FMNL2: variants seen among roughly 807,000 people sequenced by gnomAD.
FMNL2 encodes formin like 2.
FMNL2 carries 51 observed loss-of-function variants against 130.2 expected under a neutral mutation model. The ratio of observed to expected loss-of-function variants is 0.39; its 90% CI spans 0.31 to 0.49. The LOEUF is 0.49. Ranked by LOEUF, FMNL2 falls within the 20% of genes least tolerant of loss-of-function variation. The pLI is 0.85. For missense variants in FMNL2, 977 were observed against 1,316.2 expected (o/e 0.74, Z 3.99); for synonymous variants, 465 against 467.1 (o/e 1.00, Z 0.06).
chr2:152,575,279 C>T (rs538415036), intron 7 of FMNL2, 35 bp downstream of exon 7: 1 of 1,384,752 alleles, frequency 7.2e-7, no homozygotes, highest in African/African-American at 1.4e-5. Context: ...TAAAAAAAAC[C>T]TGAATTAATC....
intron 17 of FMNL2, 86 bp from the exon 18 acceptor site, chr2:152,628,213 T>C (rs1463621102): frequency 1.8e-5 from 20 of 1,136,456 alleles, no homozygotes; most frequent in Non-Finnish European, 2.5e-5. Context: ...GGATGATGGA[T>C]GGATGAACCT....
chr2:152,556,490 G>A (rs927139304), intron 4 of FMNL2, among the ~76,000 whole-genome samples: 19 of 152,298 alleles, frequency 1.2e-4, no homozygotes, highest in African/African-American at 4.6e-4. Flanking sequence ...TGGGGGCATG[G>A]ATAAGGACTC....
chr2:152,478,418 A>G (rs1231722290), intron 1 of FMNL2, among the ~76,000 whole-genome samples: 1 of 151,706 alleles, frequency 6.6e-6, no homozygotes, highest in Non-Finnish European at 1.5e-5. Context: ...TTGTATTTTT[A>G]GTAGAGACGG....
intron 1 of FMNL2, among the ~76,000 whole-genome samples, chr2:152,425,788 TAATGCC>T (rs1192346328): frequency 6.6e-6 from 1 of 152,214 alleles, no homozygotes; most frequent in East Asian, 1.9e-4. Context: ...AGTCAAGGTG[TAATGCC>T]TTTGTGGTTT....
intron 9 of FMNL2, among the ~76,000 whole-genome samples, chr2:152,601,631 A>G (rs1269718336): frequency 6.8e-6 from 1 of 146,282 alleles, no homozygotes; most frequent in Admixed American, 6.8e-5. Flanking sequence ...CTTGCAAACC[A>G]GTAGTATTAT....
chr2:152,607,549 A>G, intron 10 of FMNL2, 136 bp downstream of exon 10: 3 of 656,540 alleles, frequency 4.6e-6, no homozygotes, highest in South Asian at 2.0e-5. Flanking sequence ...TTAATATGCT[A>G]TAGATCCAAT....
chr2:152,338,164 GT>G (rs2105713941), intron 1 of FMNL2, among the ~76,000 whole-genome samples: 1 of 152,226 alleles, frequency 6.6e-6, no homozygotes, highest in South Asian at 2.1e-4. Context: ...TTTTAAGTAT[GT>G]ATGTGGAGGG....
chr2:152,386,508 C>A (rs1684790198), intron 1 of FMNL2, among the ~76,000 whole-genome samples: 1 of 16,278 alleles, frequency 6.1e-5, no homozygotes, highest in Non-Finnish European at 2.4e-4. Context: ...TTTGACCATT[C>A]ATTAACTCAT....
rs186458458 is a variant in FMNL2, at chr2:152,399,877, G to A, written c.117+64157G>A. 2.2e-4 allele frequency among the ~76,000 whole-genome samples: 33 copies of A among 152,286 alleles called. No homozygotes were observed. The East Asian group carries it at 6.4e-3, about 29-fold the overall frequency. ...TGGAGTGCTAGCTACTGGATGAAGA[G>A]TGCTGAGCAAAACTGTGTGAGTAGA... On this transcript the variant is annotated intron_variant, in intron 1 of 25. Coordinates refer to ENST00000288670, the MANE Select transcript of FMNL2 (RefSeq NM_052905.4).
intron 1 of FMNL2, among the ~76,000 whole-genome samples, chr2:152,497,431 T>G (rs752542430): frequency 4.6e-5 from 7 of 152,330 alleles, no homozygotes; most frequent in Admixed American, 1.3e-4. Flanking sequence ...TTATTTCATT[T>G]TGATTAAAAT....
At chr2:152,445,775 T>C (rs925760413) in intron 1 of FMNL2, among the ~76,000 whole-genome samples, 1 of 152,198 alleles carries the variant, frequency 6.6e-6, no homozygotes, top group Non-Finnish European at 1.5e-5. Flanking sequence ...ATCACCACTG[T>C]AGACTTTGTT....
At chr2:152,461,705 C>T (rs1689259988) in intron 1 of FMNL2, among the ~76,000 whole-genome samples, 1 of 152,174 alleles carries the variant, frequency 6.6e-6, no homozygotes, top group Non-Finnish European at 1.5e-5. Context: ...GAAGACTTTT[C>T]TACCTTTAAT....
chr2:152,568,198 A>G (rs1174278704), intron 6 of FMNL2, among the ~76,000 whole-genome samples: 2 of 89,778 alleles, frequency 2.2e-5, no homozygotes, highest in African/African-American at 8.4e-5. Context: ...CTGGGTGAGC[A>G]ACGGCTTCCA....
intron 1 of FMNL2, among the ~76,000 whole-genome samples, chr2:152,518,184 T>C (rs1278796102): frequency 6.6e-6 from 1 of 152,182 alleles, no homozygotes; most frequent in African/African-American, 2.4e-5. Context: ...TACCAGCTAA[T>C]CACAACATCC....
chr2:152,524,089 C>G, intron 2 of FMNL2, among the ~76,000 whole-genome samples: 1 of 152,034 alleles, frequency 6.6e-6, no homozygotes, highest in Non-Finnish European at 1.5e-5. Flanking sequence ...CAATTCACTG[C>G]TCATTTTTAG....
intron 1 of FMNL2, among the ~76,000 whole-genome samples, chr2:152,491,586 T>C (rs1691197555): frequency 6.6e-6 from 1 of 152,226 alleles, no homozygotes; most frequent in African/African-American, 2.4e-5. Flanking sequence ...GTCTCTTTCC[T>C]TGAAATTAGT....
At position 152,343,935 on chromosome 2, in the gene FMNL2, T is replaced by C. The variant is rs563635107; in HGVS notation, c.117+8215T>C. On this transcript the variant is annotated intron_variant, in intron 1 of 25. Coordinates refer to ENST00000288670, the MANE Select transcript of FMNL2 (RefSeq NM_052905.4). ...TGGGAGGCCAAGACAGGAGGATCAC[T>C]TGAGGCCAGGAGTCCTAGACCAGTG... Among the ~76,000 whole-genome samples the C allele has an allele frequency of 3.9e-5, 6 of 152,230 alleles. No homozygotes were observed. The South Asian group carries it at 1.2e-3, about 32-fold the overall frequency.
intron 9 of FMNL2, among the ~76,000 whole-genome samples, chr2:152,596,789 T>C (rs143485969): frequency 5.5e-4 from 84 of 152,348 alleles, no homozygotes; most frequent in African/African-American, 1.9e-3. Context: ...CTCACACAGA[T>C]ATGTAGATGA....
Position 152,637,565 on chromosome 2 carries a change from CT to C in FMNL2, c.2845-6del. The C allele has an allele frequency of 6.2e-7, 1 of 1,613,550 alleles. No homozygotes were observed. Among genetic ancestry groups the C allele is most frequent in the South Asian group, 1.1e-5 (1 of 91,078 alleles). ...AATGAAACTCAAGAAAAATTTGCTT[CT>C]TCACAGGATGCCTTTGATGATGTTG... is the stretch of plus-strand genomic sequence containing the variant. On this transcript the variant is annotated splice_polypyrimidine_tract_variant and splice_region_variant and intron_variant, in intron 22 of 25. Coordinates refer to ENST00000288670, the MANE Select transcript of FMNL2 (RefSeq NM_052905.4).
Sources: allele counts gnomAD v4.1 joint callset (sites outside exome capture counted in the v4.1 genomes callset), GRCh38; gene constraint gnomAD v4.1.1; transcripts MANE v1.5; gene names NCBI Gene and HGNC (gene_info 2026-07-23, HGNC 2026-07-21).